Variants in FRAS1 observed in about 807,000 individuals in gnomAD.
FRAS1 encodes Fraser extracellular matrix complex subunit 1, also known as extracellular matrix organizing protein FRAS1.
FRAS1 carries 290 observed loss-of-function variants against 435.2 expected under a neutral mutation model. The observed-to-expected ratio is 0.67, with a 90% CI of 0.61 to 0.73. FRAS1 has a LOEUF of 0.73. Among genes scored for constraint, FRAS1 ranks in the 30% least tolerant of loss-of-function variants. FRAS1 has a pLI of 0.00. For missense variants in FRAS1, 4,860 were observed against 5,001.5 expected (o/e 0.97, Z 0.85); for synonymous variants, 1,800 against 1,851.0 (o/e 0.97, Z 0.71).
chr4:78,313,786 C>G (rs937019032), intron 15 of FRAS1, among the ~76,000 whole-genome samples: 1 of 152,098 alleles, frequency 6.6e-6, no homozygotes, highest in African/African-American at 2.4e-5. Context: ...ACAAAACAAC[C>G]TTTTCCCCTT....
chr4:78,075,283 G>C (rs1740581907), intron 2 of FRAS1, among the ~76,000 whole-genome samples: 1 of 152,108 alleles, frequency 6.6e-6, no homozygotes, highest in South Asian at 2.1e-4. Context: ...AGAATACCTA[G>C]CTGACACACA....
intron 63 of FRAS1, among the ~76,000 whole-genome samples, chr4:78,510,736 G>T (rs1721010289): frequency 6.6e-6 from 1 of 152,220 alleles, no homozygotes; most frequent in African/African-American, 2.4e-5. Flanking sequence ...GAAGGTGTCA[G>T]AGGCCAAGTT....
intron 34 of FRAS1, among the ~76,000 whole-genome samples, chr4:78,422,983 C>T (rs1733849603): frequency 6.6e-6 from 1 of 152,054 alleles, no homozygotes; most frequent in Admixed American, 6.6e-5. Context: ...CTAAGTTTCT[C>T]ATTAAAGCCA....
intron 61 of FRAS1, among the ~76,000 whole-genome samples, chr4:78,505,691 A>T (rs987290736): frequency 2.0e-5 from 3 of 152,144 alleles, no homozygotes; most frequent in South Asian, 2.1e-4. Context: ...TTTAGCTCGG[A>T]GAAGTTTGTT....
chr4:78,376,260 T>C (rs59529811), intron 26 of FRAS1, among the ~76,000 whole-genome samples: 60,467 of 152,018 alleles, frequency 0.4, 12,653 homozygotes, highest in African/African-American at 0.54. Context: ...CATCATTGTT[T>C]GAACTCCATG....
chr4:78,531,701 T>C (rs1721720526), intron 70 of FRAS1, among the ~76,000 whole-genome samples: 1 of 152,284 alleles, frequency 6.6e-6, no homozygotes. Flanking sequence ...AGAGAACTTA[T>C]GCAAGCTTCT....
chr4:78,131,059 T>A (rs1424236955), intron 2 of FRAS1, among the ~76,000 whole-genome samples: 1 of 152,226 alleles, frequency 6.6e-6, no homozygotes, highest in Non-Finnish European at 1.5e-5. Context: ...CTAAAAATTA[T>A]ATTTTTTCTT....
chr4:78,462,806 C>T (rs1161336168), intron 47 of FRAS1, among the ~76,000 whole-genome samples: 2 of 152,120 alleles, frequency 1.3e-5, no homozygotes, highest in Non-Finnish European at 2.9e-5. Context: ...AAATTAATGC[C>T]CCCATATTCG....
chr4:78,360,164 C>T (rs953411302), intron 20 of FRAS1, among the ~76,000 whole-genome samples: 2 of 152,142 alleles, frequency 1.3e-5, no homozygotes, highest in Non-Finnish European at 2.9e-5. Context: ...GTCACTCATG[C>T]TGAGAGGAGA....
chr4:78,191,483 A>G (rs1371879739), intron 2 of FRAS1, among the ~76,000 whole-genome samples: 3 of 151,972 alleles, frequency 2.0e-5, no homozygotes, highest in Non-Finnish European at 4.4e-5. Context: ...AAAAATGTTT[A>G]AAGAAATCTG....
intron 58 of FRAS1, among the ~76,000 whole-genome samples, chr4:78,485,129 G>C (rs1179752550): frequency 6.6e-6 from 1 of 152,176 alleles, no homozygotes; most frequent in Non-Finnish European, 1.5e-5. Flanking sequence ...GAAGCTTAAG[G>C]TTACTAAGCC....
chr4:78,130,780 A>G (rs865832809), intron 2 of FRAS1, among the ~76,000 whole-genome samples: 3 of 152,242 alleles, frequency 2.0e-5, no homozygotes, highest in South Asian at 2.1e-4. Context: ...GTTGAAAGGT[A>G]AAAAGCAGTC....
intron 67 of FRAS1, 65 bp downstream of exon 67, chr4:78,519,546 G>C: frequency 6.5e-7 from 1 of 1,539,830 alleles, no homozygotes; most frequent in South Asian, 1.2e-5. Flanking sequence ...ATTAAAAGAA[G>C]AGTAGTGACT....
intron 20 of FRAS1, among the ~76,000 whole-genome samples, chr4:78,360,348 G>T (rs568894388): frequency 6.6e-6 from 1 of 152,298 alleles, no homozygotes; most frequent in African/African-American, 2.4e-5. Flanking sequence ...ATGAAGTGAG[G>T]AGTTAGAGAG....
intron 2 of FRAS1, among the ~76,000 whole-genome samples, chr4:78,176,981 C>G (rs1173757010): frequency 6.6e-6 from 1 of 152,124 alleles, no homozygotes; most frequent in African/African-American, 2.4e-5. Flanking sequence ...TTGCTGAAAC[C>G]AAAATTCATT....
intron 2 of FRAS1, among the ~76,000 whole-genome samples, chr4:78,216,761 G>C (rs1723784706): frequency 6.6e-6 from 1 of 152,152 alleles, no homozygotes; most frequent in Non-Finnish European, 1.5e-5. Flanking sequence ...GGCCTACATT[G>C]GATAGAGTAG....
intron 29 of FRAS1, among the ~76,000 whole-genome samples, chr4:78,391,659 G>A (rs1250176688): frequency 6.6e-6 from 1 of 152,084 alleles, no homozygotes; most frequent in African/African-American, 2.4e-5. Flanking sequence ...TACTCTTTGA[G>A]CAGTATTTTC....
At position 78,447,352 on chromosome 4, in the gene FRAS1, C is replaced by T. The variant is rs114284507; in HGVS notation, c.6010+472C>T. 5.9e-3 allele frequency among the ~76,000 whole-genome samples: 871 copies of T among 148,444 alleles called. 13 individuals are homozygous for T. Among genetic ancestry groups the T allele is most frequent in the African/African-American group, 0.02 (822 of 40,262 alleles). On this transcript the variant is annotated intron_variant, in intron 43 of 73. Coordinates refer to ENST00000512123, the MANE Select transcript of FRAS1 (RefSeq NM_025074.7). The stretch of plus-strand genomic sequence containing the variant: ...ATGCAGAAGCCACTTTTGGGACCTT[C>T]TACCTACTTCTTTTTTTTAAGAGCC...
chr4:78,481,915 A>G lies in FRAS1; in HGVS notation c.8555A>G (p.Tyr2852Cys), dbSNP rs922450086. Residue 2852 changes from tyrosine to cysteine, a missense_variant, in exon 57 of 74, where the codon TAC (tyrosine) becomes TGC (cysteine). Tyr to Cys is a radical substitution (Grantham distance 194, BLOSUM62 -2). Transcript: ENST00000512123. ...DPASATPGVDYVPSSRKVEFG... is the reference protein window; with the variant it reads ...DPASATPGVDCVPSSRKVEFG... ...GCTTCTGCCACACCAGGAGTTGACT[A>G]CGTTCCCAGCTCTCGGAAGGTGGAA... 1.9e-6 allele frequency: 3 copies of G among 1,613,768 alleles called. No homozygotes were observed. The highest frequency in any genetic ancestry group is 1.3e-5 in the African/African-American group (1 of 74,962).
Sources: allele counts gnomAD v4.1 joint callset (sites outside exome capture counted in the v4.1 genomes callset), GRCh38; gene constraint gnomAD v4.1.1; transcripts MANE v1.5; gene names NCBI Gene and HGNC (gene_info 2026-07-23, HGNC 2026-07-21).